Variants in TMEM220 observed in about 807,000 individuals in gnomAD.
The protein encoded by TMEM220 is transmembrane protein 220.
TMEM220 carries 21 observed loss-of-function variants against 21.7 expected under a neutral mutation model. The ratio of observed to expected loss-of-function variants is 0.97; its 90% CI spans 0.69 to 1.39. The LOEUF (loss-of-function observed/expected upper bound fraction) is 1.39. Ranked by LOEUF, TMEM220 falls within the 40% of genes most tolerant of loss-of-function variation. TMEM220 has a pLI of 0.00. For synonymous variants in TMEM220, 80 were observed against 73.6 expected (o/e 1.09, Z -0.45); for missense variants, 191 against 201.9 (o/e 0.95, Z 0.33).
chr17:10,718,988 G>A (rs446432), intron 5 of TMEM220, among the ~76,000 whole-genome samples: 77,989 of 152,022 alleles, frequency 0.51, 20,811 homozygotes, highest in African/African-American at 0.66. Context: ...AACTGAGAGA[G>A]GTGTGTTAGT....
intron 5 of TMEM220, among the ~76,000 whole-genome samples, chr17:10,717,161 A>C (rs747971610): frequency 1.3e-5 from 2 of 152,116 alleles, no homozygotes; most frequent in African/African-American, 4.8e-5. Context: ...TGGGCATTTT[A>C]TTTCTTTCTC....
At chr17:10,722,981 TTTC>T (rs1167694553) in intron 5 of TMEM220, among the ~76,000 whole-genome samples, 2 of 114,148 alleles carry the variant, frequency 1.8e-5, no homozygotes, top group Admixed American at 9.6e-5. Flanking sequence ...GAAGATGTGA[TTTC>T]TTTTTTTTTT....
At chr17:10,712,040 A>C (rs553792932), downstream of TMEM220, among the ~76,000 whole-genome samples, 1 of 152,226 alleles carries the variant, frequency 6.6e-6, no homozygotes, top group Non-Finnish European at 1.5e-5. Context: ...GGCGACTTAA[A>C]CCAACATATA....
intron 5 of TMEM220, among the ~76,000 whole-genome samples, chr17:10,722,095 C>T (rs1159221175): frequency 1.3e-5 from 2 of 151,728 alleles, no homozygotes; most frequent in African/African-American, 4.8e-5. Context: ...CGGGTTCAAG[C>T]GATTCTCTTG....
At chr17:10,721,948 C>G (rs1368600805) in intron 5 of TMEM220, among the ~76,000 whole-genome samples, 1 of 146,686 alleles carries the variant, frequency 6.8e-6, no homozygotes, top group African/African-American at 2.5e-5. Flanking sequence ...TATATCAGTA[C>G]AGTTAAGGGT....
At chr17:10,717,286 A>C (rs2074933229) in intron 5 of TMEM220, among the ~76,000 whole-genome samples, 1 of 152,226 alleles carries the variant, frequency 6.6e-6, no homozygotes, top group Non-Finnish European at 1.5e-5. Context: ...GAAAGTTTTC[A>C]ACTGTTCACC....
intron 1 of TMEM220, 64 bp downstream of exon 1, chr17:10,729,716 C>A: frequency 2.3e-6 from 3 of 1,286,650 alleles, no homozygotes; most frequent in South Asian, 2.1e-5. Context: ...AGTTACACGG[C>A]CCGCTAGGCC....
At position 10,715,101 on chromosome 17, in the gene TMEM220, T is replaced by A. The variant is rs1449977404; in HGVS notation, c.*352A>T. ...CCTTGTTACTGTGTAAGTAAGTAGA[T>A]CTGGCATTAATCCTATTTTATAGAT... On this transcript the variant is annotated 3_prime_UTR_variant, in exon 6 of 6. Coordinates refer to ENST00000341871, the MANE Select transcript of TMEM220 (RefSeq NM_001004313.3). 5.3e-6 allele frequency: 1 copy of A among 187,722 alleles called. No individual in the cohort carries two copies. Among genetic ancestry groups the A allele is most frequent in the East Asian group, 1.7e-4 (1 of 5,886 alleles). 11.6% of individuals were successfully genotyped at this position (187,722 alleles called of 1,614,324 possible).
At chr17:10,728,999 C>CG in intron 2 of TMEM220, 32 bp downstream of exon 2, 1 of 1,613,310 alleles carries the variant, frequency 6.2e-7, no homozygotes, top group Non-Finnish European at 8.5e-7. Flanking sequence ...TTCTTCCAAA[C>CG]GGAGGAAAGC....
intron 5 of TMEM220, among the ~76,000 whole-genome samples, chr17:10,721,442 C>G (rs2074987426): frequency 6.6e-6 from 1 of 151,870 alleles, no homozygotes; most frequent in South Asian, 2.1e-4. Context: ...AACCCCGTCT[C>G]TACTAAAAAC....
Position 10,725,075 on chromosome 17 carries a change from C to A in TMEM220, c.223G>T (p.Val75Phe). 6.2e-7 allele frequency: 1 copy of A among 1,614,162 alleles called. No individual in the cohort carries two copies. Among genetic ancestry groups the A allele is most frequent in the Non-Finnish European group, 8.5e-7 (1 of 1,180,024 alleles). The change falls in exon 4 of 6, where the codon GTT becomes TTT. Residue 75 changes from valine to phenylalanine, a missense_variant. Coordinates refer to ENST00000341871, the MANE Select transcript of TMEM220 (RefSeq NM_001004313.3). Reference protein sequence around the residue: ...IHILFCTVWAVGLASYLLHRT... With the variant: ...IHILFCTVWAFGLASYLLHRT... ...TGCAAGAGGTAGGACGCCAAGCCAA[C>A]AGCCCACACCGTACAAAAGAGTATG...
chr17:10,712,748 C>T (rs565854303), downstream of TMEM220, among the ~76,000 whole-genome samples: 42 of 152,258 alleles, frequency 2.8e-4, 1 homozygote, highest in South Asian at 8.5e-3. Context: ...CATGCTGTGA[C>T]GATTCACCAG....
chr17:10,716,423 C>T (rs2074922021), intron 5 of TMEM220: 5 of 654,504 alleles, frequency 7.6e-6, no homozygotes, highest in South Asian at 1.4e-5. Context: ...ATCTTAATTT[C>T]CCGTCCGGTC....
chr17:10,729,122 T>C, intron 1 of TMEM220, 62 bp from the exon 2 acceptor site: 1 of 1,583,430 alleles, frequency 6.3e-7, no homozygotes, highest in East Asian at 2.2e-5. Context: ...CCTTTTAAAT[T>C]CATTTAAGCA....
chr17:10,715,957 T>C, intron 5 of TMEM220: 1 of 372,776 alleles, frequency 2.7e-6, no homozygotes, highest in South Asian at 3.9e-5. Context: ...TATCACATAT[T>C]TATTAAAGAT....
intron 5 of TMEM220, 140 bp from the exon 6 acceptor site, chr17:10,715,728 TATAG>T (rs2074908974): frequency 1.8e-6 from 1 of 566,854 alleles, no homozygotes; most frequent in Non-Finnish European, 2.9e-6. Flanking sequence ...AACATTGATT[TATAG>T]AAATTATTTA....
chr17:10,720,319 G>T (rs1041445690), intron 5 of TMEM220, among the ~76,000 whole-genome samples: 2 of 152,186 alleles, frequency 1.3e-5, no homozygotes, highest in Non-Finnish European at 2.9e-5. Context: ...AAATAGTAGA[G>T]AACTGGTTGA....
intron 4 of TMEM220, among the ~76,000 whole-genome samples, chr17:10,724,128 T>C (rs1196647202): frequency 2.0e-5 from 3 of 152,168 alleles, no homozygotes; most frequent in African/African-American, 7.2e-5. Context: ...TGTTGGCAGA[T>C]GGCAGTAGGA....
At chr17:10,716,292 A>T in intron 5 of TMEM220, 1 of 670,646 alleles carries the variant, frequency 1.5e-6, no homozygotes, top group South Asian at 1.4e-5. Flanking sequence ...GCCATAACGC[A>T]TCATCCTCTT....
Sources: allele counts gnomAD v4.1 joint callset (sites outside exome capture counted in the v4.1 genomes callset), GRCh38; gene constraint gnomAD v4.1.1; transcripts MANE v1.5; gene names NCBI Gene and HGNC (gene_info 2026-07-23, HGNC 2026-07-21).